MTHFD2L: variants seen among roughly 807,000 people sequenced by gnomAD.
MTHFD2L encodes bifunctional methylenetetrahydrofolate dehydrogenase/cyclohydrolase 2, mitochondrial.
Under a neutral mutation model 34.9 loss-of-function variants are expected in MTHFD2L, and 29 were observed. That is an observed-to-expected ratio of 0.83 (90% CI 0.62 to 1.13). MTHFD2L has a LOEUF of 1.13. Among genes scored for constraint, MTHFD2L ranks in the 50% most tolerant of loss-of-function variants. The pLI, the probability that MTHFD2L is intolerant of heterozygous loss-of-function variation, is 0.00. For synonymous variants in MTHFD2L, 167 were observed against 155.7 expected, an observed-to-expected ratio of 1.07 and a Z score of -0.54; for missense variants, 481 against 446.5, an observed-to-expected ratio of 1.08 and a Z score of -0.70.
At chr4:74,163,749 A>G (rs1323218858) in intron 1 of MTHFD2L, among the ~76,000 whole-genome samples, 6 of 152,122 alleles carry the variant, frequency 3.9e-5, no homozygotes, top group Admixed American at 3.9e-4. Context: ...TTTCATTTCT[A>G]TTGTACAAAC....
intron 7 of MTHFD2L, among the ~76,000 whole-genome samples, chr4:74,301,014 A>G (rs1332138214): frequency 1.3e-5 from 2 of 152,112 alleles, no homozygotes. Flanking sequence ...GAAGTATCGT[A>G]TCACATATCA....
intron 5 of MTHFD2L, among the ~76,000 whole-genome samples, chr4:74,203,828 A>T (rs1385147015): frequency 6.6e-6 from 1 of 152,132 alleles, no homozygotes; most frequent in African/African-American, 2.4e-5. Context: ...CACAAGATAA[A>T]ACAATCAGTA....
At chr4:74,142,634 T>G (rs1358710473) in intron 1 of MTHFD2L, among the ~76,000 whole-genome samples, 1 of 152,244 alleles carries the variant, frequency 6.6e-6, no homozygotes, top group East Asian at 1.9e-4. Context: ...ATATTTACTA[T>G]GAAATAATTG....
At chr4:74,236,853 G>T (rs1314440053) in intron 6 of MTHFD2L, among the ~76,000 whole-genome samples, 1 of 152,052 alleles carries the variant, frequency 6.6e-6, no homozygotes, top group Non-Finnish European at 1.5e-5. Context: ...TGAGGAGGAG[G>T]TATAAGGCAT....
chr4:74,157,917 C>G, upstream of MTHFD2L: 2 of 735,240 alleles, frequency 2.7e-6, no homozygotes, highest in Non-Finnish European at 2.4e-6. Context: ...GGGCCCGGGA[C>G]TTGGGTCCTG....
chr4:74,120,049 T>C (rs997952675), upstream of MTHFD2L, among the ~76,000 whole-genome samples: 2 of 152,188 alleles, frequency 1.3e-5, no homozygotes, highest in Admixed American at 1.3e-4. Flanking sequence ...ATCAAATGTG[T>C]CTGTACTGAC....
intron 3 of MTHFD2L, among the ~76,000 whole-genome samples, chr4:74,192,942 A>C (rs577896594): frequency 1.4e-4 from 22 of 151,996 alleles, no homozygotes; most frequent in South Asian, 4.2e-4. Flanking sequence ...ATAAGATTTT[A>C]ATTTTTCTTA....
chr4:74,217,578 C>T (rs748818848), intron 5 of MTHFD2L, among the ~76,000 whole-genome samples: 16 of 151,588 alleles, frequency 1.1e-4, no homozygotes, highest in African/African-American at 2.4e-4. Context: ...TTCCGTATCC[C>T]GAGAAAGTGA....
In MTHFD2L at chr4:74,191,208, G is replaced by A. The variant is rs138902065; in HGVS notation, c.452-8586G>A. Among the ~76,000 whole-genome samples the A allele has an allele frequency of 2.1e-3, 322 of 152,240 alleles. 3 individuals carry two copies. The highest frequency in any genetic ancestry group is 7.3e-3 in the African/African-American group (303 of 41,554). On this transcript the variant is annotated intron_variant, in intron 3 of 7. Transcript: ENST00000325278. ...CTGAAGTGTTGACGTGAGCCACTGT[G>A]CCTGGTCCTCACTTATATATTCTAA...
chr4:74,167,675 G>A (rs1043551595), intron 1 of MTHFD2L, among the ~76,000 whole-genome samples: 3 of 152,174 alleles, frequency 2.0e-5, no homozygotes, highest in Non-Finnish European at 1.5e-5. Context: ...AAGGAAGAGT[G>A]TTTCAGGCAG....
chr4:74,269,600 C>CT (rs770165284), intron 6 of MTHFD2L, among the ~76,000 whole-genome samples: 1 of 151,734 alleles, frequency 6.6e-6, no homozygotes, highest in East Asian at 1.9e-4. Flanking sequence ...TAAATTATGT[C>CT]TACTTTCATT....
chr4:74,183,762 C>G (rs1560459285), intron 3 of MTHFD2L: 1 of 151,528 alleles, frequency 6.6e-6, no homozygotes, highest in African/African-American at 2.4e-5. Context: ...GAAGTGGTAA[C>G]TACCTGAATA....
rs1290401603 is a variant in MTHFD2L, at chr4:74,302,394, G to A, written c.*585G>A. 6.6e-6 allele frequency: 1 copy of A among 151,940 alleles called. No individual in the cohort carries two copies. The highest frequency in any genetic ancestry group is 2.4e-5 in the African/African-American group (1 of 41,406). 9.4% of individuals were successfully genotyped at this position (151,940 alleles called of 1,614,324 possible). Reference sequence around the variant, plus strand: ...AATGAGAAATGATGTTCTATTTAAGGAAAGGAAAATATTCCGGGAAGGCAA... The same window carrying A: ...AATGAGAAATGATGTTCTATTTAAGAAAAGGAAAATATTCCGGGAAGGCAA... On this transcript the variant is annotated 3_prime_UTR_variant, in exon 8 of 8. Transcript: ENST00000325278.
rs573979058 is a variant in MTHFD2L at position 74,141,866 on chromosome 4, C to T, written c.-297+16349C>T. ...AGTTGTTTTATGGGATTATCCCATC[C>T]ATTATAGCTTAATTAGGAAAGCAGT... On this transcript the variant is annotated intron_variant, in intron 1 of 7. Coordinates refer to the MTHFD2L transcript ENST00000433372. Among the ~76,000 whole-genome samples the T allele has an allele frequency of 4.6e-5, 7 of 152,196 alleles. No homozygotes were observed. The South Asian group carries it at 1.5e-3, about 32-fold the overall frequency.
At chr4:74,171,494 A>T (rs1727977168) in intron 1 of MTHFD2L, among the ~76,000 whole-genome samples, 1 of 152,170 alleles carries the variant, frequency 6.6e-6, no homozygotes, top group African/African-American at 2.4e-5. Context: ...TTCCCCTTTG[A>T]GATATTTGCT....
intron 7 of MTHFD2L, among the ~76,000 whole-genome samples, chr4:74,282,204 G>T (rs1668732507): frequency 6.6e-6 from 1 of 152,050 alleles, no homozygotes; most frequent in Admixed American, 6.6e-5. Context: ...CCTCTAATCT[G>T]ATTTTACTTC....
At chr4:74,185,597 T>C (rs1731077148) in intron 3 of MTHFD2L, among the ~76,000 whole-genome samples, 2 of 152,136 alleles carry the variant, frequency 1.3e-5, no homozygotes, top group Non-Finnish European at 2.9e-5. Context: ...AGGGTGGTAA[T>C]ATCACTACAG....
At chr4:74,169,247 C>T (rs1164873306) in intron 1 of MTHFD2L, among the ~76,000 whole-genome samples, 9 of 152,160 alleles carry the variant, frequency 5.9e-5, no homozygotes, top group South Asian at 2.1e-4. Context: ...TGAGTATGCA[C>T]GGTACAGTTA....
chr4:74,235,702 A>G (rs1391741238), intron 6 of MTHFD2L, among the ~76,000 whole-genome samples: 2 of 152,176 alleles, frequency 1.3e-5, no homozygotes, highest in Admixed American at 6.6e-5. Context: ...GGTTACTTCT[A>G]TAACATTGCC....
Sources: allele counts gnomAD v4.1 joint callset (sites outside exome capture counted in the v4.1 genomes callset), GRCh38; gene constraint gnomAD v4.1.1; transcripts MANE v1.5; gene names NCBI Gene and HGNC (gene_info 2026-07-23, HGNC 2026-07-21).